The following ADK variants were observed in gnomAD, a reference collection of about 807,000 sequenced individuals.
The protein encoded by ADK is adenosine kinase.
In ADK, 24 loss-of-function variants were observed where a neutral mutation model predicts 44.7. The ratio of observed to expected loss-of-function variants is 0.54; its 90% CI spans 0.39 to 0.76. The LOEUF (loss-of-function observed/expected upper bound fraction) is 0.76, where lower values mean the gene tolerates loss of function less well. Among genes scored for constraint, ADK ranks in the 30% least tolerant of loss-of-function variants. The pLI, the probability that ADK is intolerant of heterozygous loss-of-function variation, is 0.00. For missense variants in ADK, 321 were observed against 425.1 expected, an observed-to-expected ratio of 0.76 and a Z score of 2.15; for synonymous variants, 128 against 142.6, an observed-to-expected ratio of 0.90 and a Z score of 0.73.
intron 4 of ADK, among the ~76,000 whole-genome samples, chr10:74,370,077 T>G (rs1218081381): frequency 6.6e-6 from 1 of 152,182 alleles, no homozygotes; most frequent in Non-Finnish European, 1.5e-5. Context: ...ACAAAAGATC[T>G]GGAAGACCTT....
intron 3 of ADK, among the ~76,000 whole-genome samples, chr10:74,283,219 T>C (rs1450055485): frequency 6.6e-6 from 1 of 152,208 alleles, no homozygotes; most frequent in Non-Finnish European, 1.5e-5. Flanking sequence ...ACTCCTCTTT[T>C]ATAACGACCT....
Position 74,471,792 on chromosome 10 carries a change from TC to T in ADK, c.556-53463del, listed in dbSNP as rs1445122019. On this transcript the variant is annotated intron_variant, in intron 6 of 10. Coordinates refer to ENST00000539909, the MANE Select transcript of ADK (RefSeq NM_006721.4). ...ATTAATATATTTGTTTTCTTAATTTTCTTTTTGGGTTGTTCATTGTTAGTAT... is the reference window on the plus strand; with the variant it reads ...ATTAATATATTTGTTTTCTTAATTTTTTTTTGGGTTGTTCATTGTTAGTAT... Among the ~76,000 whole-genome samples, 3 of 152,326 alleles carry T rather than the reference TC, an allele frequency of 2.0e-5. No homozygotes were observed. In the East Asian group the frequency reaches 5.8e-4, roughly 29 times the overall value.
At chr10:74,333,147 T>C (rs1373037520) in intron 4 of ADK, among the ~76,000 whole-genome samples, 1 of 152,208 alleles carries the variant, frequency 6.6e-6, no homozygotes, top group Non-Finnish European at 1.5e-5. Flanking sequence ...CGTCTATTTT[T>C]TCAGCTATTT....
At chr10:74,264,584 G>C (rs1293174753) in intron 3 of ADK, among the ~76,000 whole-genome samples, 2 of 151,980 alleles carry the variant, frequency 1.3e-5, no homozygotes, top group Non-Finnish European at 2.9e-5. Context: ...TATGTGACTT[G>C]TCTTTCATTT....
At chr10:74,597,126 T>C (rs2133951779) in intron 8 of ADK, among the ~76,000 whole-genome samples, 1 of 152,352 alleles carries the variant, frequency 6.6e-6, no homozygotes, top group South Asian at 2.1e-4. Flanking sequence ...GTAACCATTT[T>C]AGAGAGTATT....
intron 3 of ADK, among the ~76,000 whole-genome samples, chr10:74,305,018 T>G (rs1253403248): frequency 6.6e-6 from 1 of 152,222 alleles, no homozygotes; most frequent in Non-Finnish European, 1.5e-5. Context: ...GATATAAAAT[T>G]CTGTGGTATT....
chr10:74,195,147 A>G (rs1843083241), intron 1 of ADK, among the ~76,000 whole-genome samples: 1 of 151,928 alleles, frequency 6.6e-6, no homozygotes, highest in South Asian at 2.1e-4. Context: ...AGAAAAAGAT[A>G]TTGCTAACAT....
chr10:74,473,050 T>C lies in ADK; in HGVS notation c.556-52206T>C, dbSNP rs540639378. Among the ~76,000 whole-genome samples the C allele has an allele frequency of 5.9e-5, 9 of 152,164 alleles. No homozygotes were observed. In the South Asian group the frequency reaches 1.7e-3, roughly 28 times the overall value. On this transcript the variant is annotated intron_variant, in intron 6 of 10. Coordinates refer to ENST00000539909, the MANE Select transcript of ADK (RefSeq NM_006721.4). Reference sequence around the variant, plus strand: ...TGCCACCCAGGCTGGAAGACAGTGATGTGATCATGGCTCACCGCAACCTTG... The same window carrying C: ...TGCCACCCAGGCTGGAAGACAGTGACGTGATCATGGCTCACCGCAACCTTG...
chr10:74,154,382 C>T (rs1841694139), intron 1 of ADK, among the ~76,000 whole-genome samples: 1 of 152,148 alleles, frequency 6.6e-6, no homozygotes, highest in South Asian at 2.1e-4. Context: ...AATTCTGCTG[C>T]CTCCGCCTCC....
At chr10:74,269,786 C>T (rs570450721) in intron 3 of ADK, among the ~76,000 whole-genome samples, 100 of 152,214 alleles carry the variant, frequency 6.6e-4, no homozygotes, top group African/African-American at 2.3e-3. Flanking sequence ...CACTTGAGCT[C>T]AGGAGTTCAA....
At chr10:74,259,795 CAG>C (rs1845975087) in intron 3 of ADK, among the ~76,000 whole-genome samples, 1 of 152,092 alleles carries the variant, frequency 6.6e-6, no homozygotes, top group African/African-American at 2.4e-5. Context: ...TTAAATGACT[CAG>C]ATTGAATTTC....
At chr10:74,382,257 C>A (rs1318590232) in intron 4 of ADK, among the ~76,000 whole-genome samples, 1 of 152,102 alleles carries the variant, frequency 6.6e-6, no homozygotes, top group Non-Finnish European at 1.5e-5. Flanking sequence ...CACCACCATG[C>A]CTGGCTAATT....
chr10:74,217,809 G>T (rs1405039207), intron 2 of ADK, among the ~76,000 whole-genome samples: 1 of 152,094 alleles, frequency 6.6e-6, no homozygotes, highest in Non-Finnish European at 1.5e-5. Flanking sequence ...GCAGCTGAGG[G>T]TCCTGTCTGT....
intron 4 of ADK, among the ~76,000 whole-genome samples, chr10:74,357,498 GTCATGT>G (rs547940534): frequency 1.4e-5 from 2 of 140,492 alleles, no homozygotes; most frequent in East Asian, 4.1e-4. Context: ...ACAGGGTTTT[GTCATGT>G]TGCCGAGGCT....
chr10:74,210,059 G>C (rs914686219), intron 2 of ADK, among the ~76,000 whole-genome samples: 11 of 152,110 alleles, frequency 7.2e-5, no homozygotes, highest in African/African-American at 2.4e-4. Flanking sequence ...GCTGGGCGCG[G>C]TGGCTCACAC....
chr10:74,589,460 G>T, intron 8 of ADK, 143 bp downstream of exon 8: 1 of 846,472 alleles, frequency 1.2e-6, no homozygotes, highest in South Asian at 1.4e-5. Context: ...CAGTCGTCAT[G>T]GTTTCTTTGT....
intron 7 of ADK, among the ~76,000 whole-genome samples, chr10:74,552,087 G>C (rs11001068): frequency 6.6e-6 from 1 of 151,906 alleles, no homozygotes; most frequent in Non-Finnish European, 1.5e-5. Context: ...TGTGGATGCA[G>C]ATACAGTGGG....
At chr10:74,177,947 T>TA (rs1564574369) in intron 1 of ADK, among the ~76,000 whole-genome samples, 35 of 60,352 alleles carry the variant, frequency 5.8e-4, no homozygotes, top group Non-Finnish European at 8.7e-4. Flanking sequence ...ATATATATAT[T>TA]TTTTTTTTTT....
At chr10:74,515,879 A>G (rs1206987685) in intron 6 of ADK, among the ~76,000 whole-genome samples, 1 of 152,158 alleles carries the variant, frequency 6.6e-6, no homozygotes, top group Admixed American at 6.5e-5. Context: ...CAGCCAGTCC[A>G]GGGTCCAGCC....
Sources: allele counts gnomAD v4.1 joint callset (sites outside exome capture counted in the v4.1 genomes callset), GRCh38; gene constraint gnomAD v4.1.1; transcripts MANE v1.5; gene names NCBI Gene and HGNC (gene_info 2026-07-23, HGNC 2026-07-21).